Variants in PKP4 observed in about 807,000 individuals in gnomAD.
PKP4 encodes plakophilin-4.
Under a neutral mutation model 145.1 loss-of-function variants are expected in PKP4, and 90 were observed. The ratio of observed to expected loss-of-function variants is 0.62; its 90% CI spans 0.52 to 0.74. The LOEUF (loss-of-function observed/expected upper bound fraction) is 0.74, where lower values mean the gene tolerates loss of function less well. Among genes scored for constraint, PKP4 ranks in the 30% least tolerant of loss-of-function variants. PKP4 has a pLI of 0.00. For synonymous variants in PKP4, 563 were observed against 577.2 expected, an observed-to-expected ratio of 0.98 and a Z score of 0.35; for missense variants, 1,340 against 1,482.7, an observed-to-expected ratio of 0.90 and a Z score of 1.58.
intron 7 of PKP4, among the ~76,000 whole-genome samples, chr2:158,630,922 G>GTTTT (rs2053286048): frequency 7.5e-6 from 1 of 134,064 alleles, no homozygotes; most frequent in African/African-American, 2.6e-5. Context: ...CCAAGAGAAA[G>GTTTT]TGTTTTTGTT....
At chr2:158,642,209 A>C (rs1395708945) in intron 10 of PKP4, among the ~76,000 whole-genome samples, 1 of 152,166 alleles carries the variant, frequency 6.6e-6, no homozygotes, top group Non-Finnish European at 1.5e-5. Flanking sequence ...TTTTTAGTAG[A>C]GACGGGGTTT....
intron 16 of PKP4, chr2:158,669,061 G>T (rs928267773): frequency 1.3e-5 from 2 of 152,114 alleles, no homozygotes; most frequent in African/African-American, 4.8e-5. Context: ...CCTTGTCTTA[G>T]CAAGAATTTC....
chr2:158,537,676 A>G (rs2044168437), intron 2 of PKP4, among the ~76,000 whole-genome samples: 1 of 152,198 alleles, frequency 6.6e-6, no homozygotes, highest in African/African-American at 2.4e-5. Flanking sequence ...GTTTTCAAAA[A>G]TGTCTGACAA....
chr2:158,657,253 C>G (rs2056068454), intron 11 of PKP4, among the ~76,000 whole-genome samples: 1 of 152,118 alleles, frequency 6.6e-6, no homozygotes, highest in African/African-American at 2.4e-5. Context: ...CTCAAATTTG[C>G]TCCAATGTCT....
At chr2:158,639,358 G>A (rs1023583435) in intron 9 of PKP4, among the ~76,000 whole-genome samples, 2 of 152,110 alleles carry the variant, frequency 1.3e-5, no homozygotes, top group Non-Finnish European at 2.9e-5. Context: ...GTGTGTGTTT[G>A]CGTGTGTGCA....
intron 1 of PKP4, among the ~76,000 whole-genome samples, chr2:158,507,471 CTG>C (rs1021730267): frequency 5.9e-5 from 9 of 152,180 alleles, no homozygotes; most frequent in Non-Finnish European, 8.8e-5. Context: ...CAACCTGAGA[CTG>C]TTCTAGCTAA....
At chr2:158,492,674 T>A (rs1695116566) in intron 1 of PKP4, among the ~76,000 whole-genome samples, 1 of 152,226 alleles carries the variant, frequency 6.6e-6, no homozygotes, top group African/African-American at 2.4e-5. Context: ...ACAATAGTAT[T>A]TTTTTCTGTC....
chr2:158,616,035 A>C (rs2051573203), intron 4 of PKP4, among the ~76,000 whole-genome samples: 1 of 152,190 alleles, frequency 6.6e-6, no homozygotes, highest in South Asian at 2.1e-4. Flanking sequence ...CCAACTTTTA[A>C]ATGATATCCT....
At chr2:158,587,611 T>C (rs2048908733) in intron 3 of PKP4, among the ~76,000 whole-genome samples, 1 of 152,084 alleles carries the variant, frequency 6.6e-6, no homozygotes, top group South Asian at 2.1e-4. Context: ...CTTATTACTA[T>C]TATTATTTTC....
intron 1 of PKP4, among the ~76,000 whole-genome samples, chr2:158,472,141 TGA>T (rs1322357181): frequency 2.0e-5 from 3 of 152,212 alleles, no homozygotes; most frequent in African/African-American, 4.8e-5. Context: ...TGAAATATGC[TGA>T]GAGTGGATGT....
chr2:158,558,557 A>C (rs975335369), intron 2 of PKP4, among the ~76,000 whole-genome samples: 1 of 152,190 alleles, frequency 6.6e-6, no homozygotes, highest in African/African-American at 2.4e-5. Context: ...GTAGCCACCA[A>C]GAAATGGTTA....
chr2:158,597,661 A>C (rs1403041982), intron 3 of PKP4, among the ~76,000 whole-genome samples: 1 of 152,180 alleles, frequency 6.6e-6, no homozygotes, highest in Non-Finnish European at 1.5e-5. Context: ...TAAATAAAAC[A>C]ATTTCTAGGA....
intron 4 of PKP4, among the ~76,000 whole-genome samples, chr2:158,618,644 G>A (rs906846464): frequency 6.6e-6 from 1 of 152,078 alleles, no homozygotes; most frequent in African/African-American, 2.4e-5. Context: ...AAATGAGCAA[G>A]ATTGTTACAT....
In PKP4 at chr2:158,642,607, A is replaced by G. The variant is rs764881819; in HGVS notation, c.1817A>G (p.Asn606Ser). The G allele has an allele frequency of 3.1e-6, 5 of 1,613,714 alleles. No homozygotes were observed. In the African/African-American group the frequency reaches 4.0e-5, roughly 13 times the overall value. The change falls in exon 11 of 22, where the codon AAT (asparagine) becomes AGT (serine). Residue 606 changes from asparagine (N) to serine (S), a missense_variant. Physicochemically the swap from Asn to Ser is conservative, Grantham distance 46. Coordinates refer to ENST00000389759, the MANE Select transcript of PKP4 (RefSeq NM_003628.6). ...GTTTTTGGCAAGTCTACAGATGAAA[A>G]TAAAATAGCAATGAAGAATGTTGGT... ...NLVFGKSTDE[N>S]KIAMKNVGGI...
chr2:158,546,753 CA>C (rs1335856196), intron 2 of PKP4, among the ~76,000 whole-genome samples: 1 of 152,132 alleles, frequency 6.6e-6, no homozygotes, highest in Non-Finnish European at 1.5e-5. Flanking sequence ...GACATAGAGA[CA>C]GTACGAAACC....
chr2:158,606,956 T>C (rs1353995592), intron 4 of PKP4, among the ~76,000 whole-genome samples: 2 of 152,220 alleles, frequency 1.3e-5, no homozygotes, highest in African/African-American at 4.8e-5. Flanking sequence ...CCCATATCTC[T>C]AGTATCGGAC....
At chr2:158,621,650 G>A (rs1228548871) in intron 6 of PKP4, among the ~76,000 whole-genome samples, 3 of 151,802 alleles carry the variant, frequency 2.0e-5, no homozygotes, top group Non-Finnish European at 2.9e-5. Flanking sequence ...GGAGGCTGAG[G>A]CAGGAGAATC....
intron 3 of PKP4, among the ~76,000 whole-genome samples, chr2:158,587,102 A>T (rs930709828): frequency 1.3e-5 from 2 of 152,210 alleles, no homozygotes; most frequent in Non-Finnish European, 2.9e-5. Flanking sequence ...TGTTAAATGG[A>T]TAATGCAGTT....
At chr2:158,511,658 T>C (rs1266365800) in intron 1 of PKP4, among the ~76,000 whole-genome samples, 1 of 152,208 alleles carries the variant, frequency 6.6e-6, no homozygotes, top group Non-Finnish European at 1.5e-5. Flanking sequence ...ATTGTATTTA[T>C]CAGAGAGAGA....
Sources: allele counts gnomAD v4.1 joint callset (sites outside exome capture counted in the v4.1 genomes callset), GRCh38; gene constraint gnomAD v4.1.1; transcripts MANE v1.5; gene names NCBI Gene and HGNC (gene_info 2026-07-23, HGNC 2026-07-21).